Variants in ZNF385D observed in about 807,000 individuals in gnomAD.
The protein encoded by ZNF385D is zinc finger protein 385D.
ZNF385D carries 15 observed loss-of-function variants against 35.8 expected under a neutral mutation model. That is an observed-to-expected ratio of 0.42 (90% CI 0.28 to 0.64). The LOEUF (loss-of-function observed/expected upper bound fraction) is 0.64. ZNF385D is among the 30% of genes least tolerant of loss of function. The pLI, the probability that ZNF385D is intolerant of heterozygous loss-of-function variation, is 0.23. For synonymous variants in ZNF385D, 212 were observed against 186.8 expected (o/e 1.13, Z -1.10); for missense variants, 474 against 494.6 (o/e 0.96, Z 0.39).
chr3:22,176,641 C>T (rs987387075), intron 2 of ZNF385D, among the ~76,000 whole-genome samples: 1 of 152,136 alleles, frequency 6.6e-6, no homozygotes, highest in Non-Finnish European at 1.5e-5. Context: ...GAATGAGATA[C>T]AGAATGGAAC....
At chr3:22,123,950 CTCTCTCTCTCTCTATA>C (rs780022467) in intron 3 of ZNF385D, among the ~76,000 whole-genome samples, 87 of 103,172 alleles carry the variant, frequency 8.4e-4, no homozygotes, top group African/African-American at 2.2e-3. Flanking sequence ...CTCTCTCTCT[CTCTCTCTCTCTCTATA>C]TATATATATA....
At chr3:22,337,311 C>T (rs1396916465) in intron 2 of ZNF385D, among the ~76,000 whole-genome samples, 2 of 151,984 alleles carry the variant, frequency 1.3e-5, no homozygotes, top group African/African-American at 4.8e-5. Flanking sequence ...GTGGGGGCAG[C>T]TCACTTGAGG....
intron 3 of ZNF385D, among the ~76,000 whole-genome samples, chr3:21,776,431 C>A (rs1047435596): frequency 6.6e-6 from 1 of 151,934 alleles, no homozygotes; most frequent in Non-Finnish European, 1.5e-5. Context: ...ATAACCAGCA[C>A]TGAATATCCT....
chr3:21,483,877 T>C (rs1267652579), intron 4 of ZNF385D, among the ~76,000 whole-genome samples: 1 of 152,210 alleles, frequency 6.6e-6, no homozygotes, highest in African/African-American at 2.4e-5. Context: ...ATTTCTTTTT[T>C]GCAGACCATA....
At chr3:21,643,696 T>C (rs983317453) in intron 2 of ZNF385D, among the ~76,000 whole-genome samples, 4 of 152,062 alleles carry the variant, frequency 2.6e-5, no homozygotes, top group Non-Finnish European at 5.9e-5. Context: ...ATGGGAGGAA[T>C]GACTGAATAT....
intron 3 of ZNF385D, among the ~76,000 whole-genome samples, chr3:21,847,631 G>A (rs1404216702): frequency 3.9e-5 from 6 of 151,986 alleles, no homozygotes; most frequent in South Asian, 2.1e-4. Context: ...GTGTCTGTGT[G>A]CCAATGTTAT....
In ZNF385D at chr3:22,020,400, A is replaced by G. The variant is rs552787804; in HGVS notation, c.325+148417T>C. The stretch of plus-strand genomic sequence containing the variant: ...AACCACATGGGGAACATAAGACAAG[A>G]TAAGTTCTGTGCTCCAGCAGTTTCA... On this transcript the variant is annotated intron_variant, in intron 3 of 5. Transcript: ENST00000494108. Among the ~76,000 whole-genome samples the G allele has an allele frequency of 9.9e-5, 15 of 152,086 alleles. No homozygotes were observed. In the South Asian group the frequency reaches 2.1e-3, roughly 21 times the overall value.
chr3:22,099,028 T>C lies in ZNF385D; in HGVS notation c.325+69789A>G, dbSNP rs182998201. ...CATGGATATTTATCATAGGGATTTCTGTAATGAGGAAAAATAGGAAGCAAA... is the reference window on the plus strand; with the variant it reads ...CATGGATATTTATCATAGGGATTTCCGTAATGAGGAAAAATAGGAAGCAAA... On this transcript the variant is annotated intron_variant, in intron 3 of 5. Transcript: ENST00000494108. Among the ~76,000 whole-genome samples the C allele has an allele frequency of 2.9e-3, 442 of 152,200 alleles. 2 individuals are homozygous for C. The highest frequency in any genetic ancestry group is 4.0e-3 in the Non-Finnish European group (269 of 67,984).
chr3:22,267,501 T>C (rs1700956727), intron 2 of ZNF385D, among the ~76,000 whole-genome samples: 1 of 151,904 alleles, frequency 6.6e-6, no homozygotes, highest in African/African-American at 2.4e-5. Context: ...TATTCTGCTT[T>C]CATAAATTAT....
At chr3:21,758,938 T>C (rs1173212839) in intron 3 of ZNF385D, among the ~76,000 whole-genome samples, 1 of 102,874 alleles carries the variant, frequency 9.7e-6, no homozygotes, top group African/African-American at 3.8e-5. Context: ...GCCTCACTCA[T>C]AGAAAGCCAA....
chr3:21,609,356 A>G (rs571377733), intron 2 of ZNF385D, among the ~76,000 whole-genome samples: 13 of 152,316 alleles, frequency 8.5e-5, no homozygotes, highest in African/African-American at 3.1e-4. Context: ...ACTAATTATA[A>G]TAAGAAAAAA....
chr3:21,548,623 A>T (rs547672998), intron 3 of ZNF385D, among the ~76,000 whole-genome samples: 1 of 152,256 alleles, frequency 6.6e-6, no homozygotes, highest in East Asian at 1.9e-4. Context: ...AGTGGCTCTC[A>T]ATTTTTAAAT....
At chr3:21,495,693 G>GA (rs1705782490) in intron 4 of ZNF385D, among the ~76,000 whole-genome samples, 1 of 151,930 alleles carries the variant, frequency 6.6e-6, no homozygotes, top group Admixed American at 6.6e-5. Context: ...AAGAAATAAA[G>GA]AAAATCAAAG....
chr3:21,577,588 G>A (rs911933448), intron 2 of ZNF385D, among the ~76,000 whole-genome samples: 3 of 152,058 alleles, frequency 2.0e-5, no homozygotes, highest in African/African-American at 7.2e-5. Flanking sequence ...CCTACGTGCT[G>A]TTTTTCCATA....
chr3:22,063,907 G>C (rs1293157236), intron 3 of ZNF385D, among the ~76,000 whole-genome samples: 2 of 152,194 alleles, frequency 1.3e-5, no homozygotes, highest in African/African-American at 4.8e-5. Context: ...AGGACACCTT[G>C]ATTTTCCATC....
At chr3:22,279,565 T>C (rs981552407) in intron 2 of ZNF385D, among the ~76,000 whole-genome samples, 7 of 146,058 alleles carry the variant, frequency 4.8e-5, no homozygotes, top group Non-Finnish European at 7.4e-5. Context: ...CATATGTACA[T>C]ATATATGTAT....
chr3:21,441,557 A>G (rs1701860915), intron 4 of ZNF385D: 4 of 269,520 alleles, frequency 1.5e-5, no homozygotes, highest in African/African-American at 9.2e-5. Flanking sequence ...TTTGACTATA[A>G]AAGAAACTAA....
chr3:21,494,269 T>C (rs1705653510), intron 4 of ZNF385D, among the ~76,000 whole-genome samples: 1 of 152,056 alleles, frequency 6.6e-6, no homozygotes, highest in African/African-American at 2.4e-5. Context: ...CCCATGCAGG[T>C]GAAAACCACA....
intron 2 of ZNF385D, among the ~76,000 whole-genome samples, chr3:22,191,909 T>C (rs1383750769): frequency 1.1e-5 from 1 of 87,924 alleles, no homozygotes; most frequent in Non-Finnish European, 2.1e-5. Context: ...GGTACCAATC[T>C]ATAAAAAAAC....
Sources: allele counts gnomAD v4.1 joint callset (sites outside exome capture counted in the v4.1 genomes callset), GRCh38; gene constraint gnomAD v4.1.1; transcripts MANE v1.5; gene names NCBI Gene and HGNC (gene_info 2026-07-23, HGNC 2026-07-21).